TAAR6: variants seen among roughly 807,000 people sequenced by gnomAD.
The protein encoded by TAAR6 is trace amine-associated receptor 6.
Under a neutral mutation model 18.4 loss-of-function variants are expected in TAAR6, and 15 were observed. That is an observed-to-expected ratio of 0.82 (90% confidence interval 0.55 to 1.26). The LOEUF is 1.26. Ranked by LOEUF, TAAR6 falls within the 50% of genes most tolerant of loss-of-function variation. The pLI, the probability that TAAR6 is intolerant of heterozygous loss-of-function variation, is 0.00. For synonymous variants in TAAR6, 192 were observed against 162.4 expected, an observed-to-expected ratio of 1.18 and a Z score of -1.39; for missense variants, 501 against 415.9, an observed-to-expected ratio of 1.20 and a Z score of -1.78.
chr6:132,570,731 C>G lies in TAAR6; in HGVS notation c.410C>G (p.Pro137Arg). The change falls in exon 1 of 1, where the codon CCC (proline) becomes CGC (arginine). Residue 137 changes from proline (P) to arginine (R), a missense_variant. Pro to Arg is a moderately radical substitution (Grantham distance 103, BLOSUM62 -2). Transcript: ENST00000275198. ...SIDRYIAVTDPLVYPTKFTVS... is the reference protein window; with the variant it reads ...SIDRYIAVTDRLVYPTKFTVS... ...GACAGGTACATTGCGGTTACTGACC[C>G]CCTGGTCTATCCTACCAAGTTCACC... is the stretch of plus-strand genomic sequence containing the variant. 1 of 1,614,074 alleles carries G rather than the reference C, an allele frequency of 6.2e-7. No homozygotes were observed. Among genetic ancestry groups the G allele is most frequent in the Non-Finnish European group, 8.5e-7 (1 of 1,179,996 alleles).
At position 132,570,748 on chromosome 6, in the gene TAAR6, A is replaced by G; in HGVS notation, c.427A>G (p.Lys143Glu). The G allele has an allele frequency of 1.2e-6, 2 of 1,614,054 alleles. No homozygotes were observed. Among genetic ancestry groups the G allele is most frequent in the Non-Finnish European group, 1.7e-6 (2 of 1,179,986 alleles). ...AVTDPLVYPT[K>E]FTVSVSGICI... ...TACTGACCCCCTGGTCTATCCTACC[A>G]AGTTCACCGTATCTGTGTCAGGAAT... Residue 143 changes from lysine to glutamate, a missense_variant, in exon 1 of 1, where the codon AAG (lysine) becomes GAG (glutamate). By Grantham distance (56) the Lys-to-Glu change is moderately conservative. Coordinates refer to ENST00000275198, the MANE Select transcript of TAAR6 (RefSeq NM_175067.1).
In TAAR6 at chr6:132,570,672, C is replaced by T. The variant is rs530711693; in HGVS notation, c.351C>T (p.Tyr117=). The T allele has an allele frequency of 6.2e-7, 1 of 1,614,080 alleles. No individual in the cohort carries two copies. The highest frequency in any genetic ancestry group is 2.2e-5 in the East Asian group (1 of 44,878). ...FHTCCDVAFC[Y]SSLFHLCFIS... ...CCTGCTGTGATGTGGCATTTTGTTA[C>T]TCTTCTCTCTTTCACTTGTGCTTCA... The change falls in exon 1 of 1, where the codon TAC becomes TAT. Residue 117 remains tyrosine (Y), a synonymous_variant. Transcript: ENST00000275198.
In TAAR6 at chr6:132,571,049, A is replaced by G. The variant is rs1776638623; in HGVS notation, c.728A>G (p.Glu243Gly). 6.8e-6 allele frequency: 11 copies of G among 1,614,130 alleles called. No individual in the cohort carries two copies. The highest frequency in any genetic ancestry group is 9.3e-6 in the Non-Finnish European group (11 of 1,179,996). Residue 243 changes from glutamate to glycine, a missense_variant, in exon 1 of 1, where the codon GAG becomes GGG. Glu to Gly is a moderately conservative substitution (Grantham distance 98). Coordinates refer to ENST00000275198, the MANE Select transcript of TAAR6 (RefSeq NM_175067.1). ...GGTAGCAAGACAGAATCATCCTCAG[A>G]GAGTTACAAAGCCAGAGTGGCCAGG... ...NTGSKTESSSESYKARVARRE... is the reference protein window; with the variant it reads ...NTGSKTESSSGSYKARVARRE...
rs751283267 is a variant in TAAR6, at chr6:132,570,917, T to A, written c.596T>A (p.Val199Glu). Residue 199 changes from valine to glutamate, a missense_variant, in exon 1 of 1, where the codon GTG becomes GAG. By Grantham distance (121) the Val-to-Glu change is moderately radical (BLOSUM62 -2). Transcript: ENST00000275198. ...GCQTVVNQNW[V>E]LTDFLSFFIP... The stretch of plus-strand genomic sequence containing the variant: ...CAGACCGTTGTAAATCAAAACTGGG[T>A]GTTGACAGATTTTCTATCCTTCTTT... 1 of 1,613,936 alleles carries A rather than the reference T, an allele frequency of 6.2e-7. No individual in the cohort carries two copies. Among genetic ancestry groups the A allele is most frequent in the Non-Finnish European group, 8.5e-7 (1 of 1,179,992 alleles).
chr6:132,570,776 G>A lies in TAAR6; in HGVS notation c.455G>A (p.Cys152Tyr), dbSNP rs745510373. 6.2e-7 allele frequency: 1 copy of A among 1,614,088 alleles called. No homozygotes were observed. The highest frequency in any genetic ancestry group is 8.5e-7 in the Non-Finnish European group (1 of 1,179,988). ...TKFTVSVSGI[C>Y]ISVSWILPLM... The stretch of plus-strand genomic sequence containing the variant: ...TTCACCGTATCTGTGTCAGGAATTT[G>A]CATCAGCGTGTCCTGGATCCTGCCC... The change falls in exon 1 of 1, where the codon TGC becomes TAC. Residue 152 changes from cysteine (C) to tyrosine (Y), a missense_variant. By Grantham distance (194) the Cys-to-Tyr change is radical. Coordinates refer to ENST00000275198, the MANE Select transcript of TAAR6 (RefSeq NM_175067.1).
chr6:132,571,318 A>G lies in TAAR6; in HGVS notation c.997A>G (p.Asn333Asp), dbSNP rs575934743. 2 of 1,613,618 alleles carry G rather than the reference A, an allele frequency of 1.2e-6. No individual in the cohort carries two copies. The highest frequency in any genetic ancestry group is 1.7e-6 in the Non-Finnish European group (2 of 1,179,824). ...TATTGTAACTGGTCAGGTTTTAAAG[A>G]ACAGTTCAGCAACCATGAATTTGTT... ...KVIVTGQVLK[N>D]SSATMNLFSE... The change falls in exon 1 of 1, where the codon AAC becomes GAC. Residue 333 changes from asparagine to aspartate, a missense_variant. Asn to Asp is a conservative substitution (Grantham distance 23). Coordinates refer to ENST00000275198, the MANE Select transcript of TAAR6 (RefSeq NM_175067.1).
chr6:132,570,444 T>C lies in TAAR6; in HGVS notation c.123T>C (p.Phe41=), dbSNP rs567467326. The change falls in exon 1 of 1, where the codon TTT becomes TTC. Residue 41 remains phenylalanine (F), a synonymous_variant. Coordinates refer to ENST00000275198, the MANE Select transcript of TAAR6 (RefSeq NM_175067.1). ...SRVILYIVFG[F]GAVLAVFGNL... is the part of the protein sequence containing the mutation. ...TGATTCTGTACATAGTGTTTGGCTT[T>C]GGGGCTGTGCTGGCTGTGTTTGGAA... 6.2e-7 allele frequency: 1 copy of C among 1,614,074 alleles called. No homozygotes were observed. The highest frequency in any genetic ancestry group is 1.3e-5 in the African/African-American group (1 of 75,022).
rs1776631564 is a variant in TAAR6 at position 132,570,709 on chromosome 6, A to G, written c.388A>G (p.Arg130Gly). Residue 130 changes from arginine (R) to glycine (G), a missense_variant, in exon 1 of 1, where the codon AGG (arginine) becomes GGG (glycine). Arg to Gly is a moderately radical substitution (Grantham distance 125). Coordinates refer to ENST00000275198, the MANE Select transcript of TAAR6 (RefSeq NM_175067.1). Reference protein sequence around the residue: ...LFHLCFISIDRYIAVTDPLVY... With the variant: ...LFHLCFISIDGYIAVTDPLVY... Reference sequence around the variant, plus strand: ...TCACTTGTGCTTCATCTCCATCGACAGGTACATTGCGGTTACTGACCCCCT... The same window carrying G: ...TCACTTGTGCTTCATCTCCATCGACGGGTACATTGCGGTTACTGACCCCCT... 1 of 1,613,984 alleles carries G rather than the reference A, an allele frequency of 6.2e-7. No homozygotes were observed. Among genetic ancestry groups the G allele is most frequent in the Non-Finnish European group, 8.5e-7 (1 of 1,180,004 alleles).
At position 132,570,734 on chromosome 6, in the gene TAAR6, T is replaced by G. The variant is rs762240830; in HGVS notation, c.413T>G (p.Leu138Arg). 9.9e-6 allele frequency: 16 copies of G among 1,614,184 alleles called. No individual in the cohort carries two copies. The highest frequency in any genetic ancestry group is 3.3e-4 in the Middle Eastern group (2 of 6,062). Residue 138 changes from leucine to arginine, a missense_variant, in exon 1 of 1, where the codon CTG becomes CGG. Coordinates refer to ENST00000275198, the MANE Select transcript of TAAR6 (RefSeq NM_175067.1). ...AGGTACATTGCGGTTACTGACCCCC[T>G]GGTCTATCCTACCAAGTTCACCGTA... ...IDRYIAVTDP[L>R]VYPTKFTVSV...
rs767721833 is a variant in TAAR6 at position 132,571,166 on chromosome 6, C to T, written c.845C>T (p.Ala282Val). Residue 282 changes from alanine (A) to valine (V), a missense_variant, in exon 1 of 1, where the codon GCC becomes GTC. Ala to Val is a moderately conservative substitution (Grantham distance 64). Coordinates refer to ENST00000275198, the MANE Select transcript of TAAR6 (RefSeq NM_175067.1). Reference protein sequence around the residue: ...LPYSIDSLIDAFMGFITPACI... With the variant: ...LPYSIDSLIDVFMGFITPACI... ...TATAGCATTGATTCATTAATTGATG[C>T]CTTTATGGGCTTTATAACCCCTGCC... 1.9e-6 allele frequency: 3 copies of T among 1,613,794 alleles called. No homozygotes were observed. Among genetic ancestry groups the T allele is most frequent in the Middle Eastern group, 1.6e-4 (1 of 6,080 alleles).
In TAAR6 at chr6:132,570,527, T is replaced by C. The variant is rs41298391; in HGVS notation, c.206T>C (p.Phe69Ser). The part of the protein sequence containing the change: ...HFKQLHSPTN[F>S]LVASLACADF... ...AAGCAGCTGCACTCTCCGACCAATT[T>C]TCTCGTTGCCTCTCTGGCCTGCGCT... The change falls in exon 1 of 1, where the codon TTT becomes TCT. Residue 69 changes from phenylalanine to serine, a missense_variant. Phe to Ser is a radical substitution (Grantham distance 155, BLOSUM62 -2). Coordinates refer to ENST00000275198, the MANE Select transcript of TAAR6 (RefSeq NM_175067.1). 705 of 1,614,088 alleles carry C rather than the reference T, an allele frequency of 4.4e-4. 6 individuals are homozygous for C. The East Asian group carries it at 9.2e-3, about 21-fold the overall frequency.
rs1776636707 is a variant in TAAR6 at position 132,570,953 on chromosome 6, T to G, written c.632T>G (p.Phe211Cys). 1.2e-6 allele frequency: 2 copies of G among 1,614,096 alleles called. No individual in the cohort carries two copies. Among genetic ancestry groups the G allele is most frequent in the Non-Finnish European group, 1.7e-6 (2 of 1,179,994 alleles). Residue 211 changes from phenylalanine to cysteine, a missense_variant, in exon 1 of 1, where the codon TTT becomes TGT. By Grantham distance (205) the Phe-to-Cys change is radical (BLOSUM62 -2). Coordinates refer to ENST00000275198, the MANE Select transcript of TAAR6 (RefSeq NM_175067.1). ...TDFLSFFIPT[F>C]IMIILYGNIF... Reference sequence around the variant, plus strand: ...TTTCTATCCTTCTTTATACCTACCTTTATTATGATAATTCTGTATGGTAAC... The same window carrying G: ...TTTCTATCCTTCTTTATACCTACCTGTATTATGATAATTCTGTATGGTAAC...
In TAAR6 at chr6:132,571,238, T is replaced by C; in HGVS notation, c.917T>C (p.Met306Thr). ...TGGTGTGCTTATTATAACTCAGCCA[T>C]GAATCCTTTGATTTATGCTTTATTT... is the stretch of plus-strand genomic sequence containing the variant. ...CCWCAYYNSA[M>T]NPLIYALFYP... is the part of the protein sequence containing the mutation. Residue 306 changes from methionine to threonine, a missense_variant, in exon 1 of 1, where the codon ATG becomes ACG. Met to Thr is a moderately conservative substitution (Grantham distance 81). Transcript: ENST00000275198. The C allele has an allele frequency of 6.2e-7, 1 of 1,614,136 alleles. No individual in the cohort carries two copies. The highest frequency in any genetic ancestry group is 1.1e-5 in the South Asian group (1 of 91,088).
In TAAR6 at chr6:132,571,059, A is replaced by C. The variant is rs1245522691; in HGVS notation, c.738A>C (p.Lys246Asn). 6.2e-7 allele frequency: 1 copy of C among 1,614,122 alleles called. No homozygotes were observed. The highest frequency in any genetic ancestry group is 8.5e-7 in the Non-Finnish European group (1 of 1,179,998). Residue 246 changes from lysine to asparagine, a missense_variant, in exon 1 of 1, where the codon AAA becomes AAC. Transcript: ENST00000275198. ...CAGAATCATCCTCAGAGAGTTACAA[A>C]GCCAGAGTGGCCAGGAGAGAGAGAA... ...SKTESSSESY[K>N]ARVARRERKA...
rs1225543328 is a variant in TAAR6, at chr6:132,570,492, C to T, written c.171C>T (p.Ile57=). 1 of 1,613,830 alleles carries T rather than the reference C, an allele frequency of 6.2e-7. No individual in the cohort carries two copies. The highest frequency in any genetic ancestry group is 8.5e-7 in the Non-Finnish European group (1 of 1,179,972). The change falls in exon 1 of 1, where the codon ATC becomes ATT. Residue 57 remains isoleucine (I), a synonymous_variant. Transcript: ENST00000275198. The part of the protein sequence containing the change: ...VFGNLLVMIS[I]LHFKQLHSPT... ...GAAACCTCCTGGTGATGATTTCAAT[C>T]CTCCATTTCAAGCAGCTGCACTCTC...
At position 132,571,112 on chromosome 6, in the gene TAAR6, T is replaced by C; in HGVS notation, c.791T>C (p.Val264Ala). The C allele has an allele frequency of 1.1e-5, 17 of 1,613,996 alleles. No homozygotes were observed. The highest frequency in any genetic ancestry group is 1.7e-5 in the Admixed American group (1 of 60,018). Reference protein sequence around the residue: ...RKAAKTLGVTVVAFMISWLPY... With the variant: ...RKAAKTLGVTAVAFMISWLPY... ...GCAGCTAAAACCCTGGGGGTCACAG[T>C]GGTAGCATTTATGATTTCATGGTTA... Residue 264 changes from valine (V) to alanine (A), a missense_variant, in exon 1 of 1, where the codon GTG becomes GCG. By Grantham distance (64) the Val-to-Ala change is moderately conservative (BLOSUM62 0). Transcript: ENST00000275198.
rs751814309 is a variant in TAAR6 at position 132,570,426 on chromosome 6, G to A, written c.105G>A (p.Leu35=). Residue 35 remains leucine, a synonymous_variant, in exon 1 of 1, where the codon CTG becomes CTA. Transcript: ENST00000275198. Reference sequence around the variant, plus strand: ...TCTCGCCGGGATCCCGGGTGATTCTGTACATAGTGTTTGGCTTTGGGGCTG... The same window carrying A: ...TCTCGCCGGGATCCCGGGTGATTCTATACATAGTGTTTGGCTTTGGGGCTG... ...IPFSPGSRVI[L]YIVFGFGAVL... 1 of 1,614,050 alleles carries A rather than the reference G, an allele frequency of 6.2e-7. No individual in the cohort carries two copies. Among genetic ancestry groups the A allele is most frequent in the Non-Finnish European group, 8.5e-7 (1 of 1,179,978 alleles).
Position 132,571,231 on chromosome 6 carries a change from T to A in TAAR6, c.910T>A (p.Ser304Thr). ...TTGCTGTTGGTGTGCTTATTATAAC[T>A]CAGCCATGAATCCTTTGATTTATGC... is the stretch of plus-strand genomic sequence containing the variant. ...EICCWCAYYNSAMNPLIYALF... is the reference protein window; with the variant it reads ...EICCWCAYYNTAMNPLIYALF... Residue 304 changes from serine to threonine, a missense_variant, in exon 1 of 1, where the codon TCA (serine) becomes ACA (threonine). Coordinates refer to ENST00000275198, the MANE Select transcript of TAAR6 (RefSeq NM_175067.1). 1 of 1,614,120 alleles carries A rather than the reference T, an allele frequency of 6.2e-7. No individual in the cohort carries two copies. The highest frequency in any genetic ancestry group is 2.2e-5 in the East Asian group (1 of 44,878).
At position 132,570,394 on chromosome 6, in the gene TAAR6, A is replaced by G. The variant is rs1776624965; in HGVS notation, c.73A>G (p.Ile25Val). The change falls in exon 1 of 1, where the codon ATC (isoleucine) becomes GTC (valine). Residue 25 changes from isoleucine (I) to valine (V), a missense_variant. By Grantham distance (29) the Ile-to-Val change is conservative. Coordinates refer to ENST00000275198, the MANE Select transcript of TAAR6 (RefSeq NM_175067.1). ...GAACGTGAATGGGTCCTGTGTGAAA[A>G]TCCCCTTCTCGCCGGGATCCCGGGT... is the stretch of plus-strand genomic sequence containing the variant. ...YANVNGSCVK[I>V]PFSPGSRVIL... The G allele has an allele frequency of 6.2e-7, 1 of 1,613,946 alleles. No homozygotes were observed. The highest frequency in any genetic ancestry group is 1.1e-5 in the South Asian group (1 of 91,080).
Sources: gnomAD v4.1 joint callset for allele counts on GRCh38, gnomAD v4.1.1 for gene constraint, MANE v1.5 for transcripts, NCBI Gene and HGNC (gene_info 2026-07-23, HGNC 2026-07-21) for gene names.